GARIN1A: variants seen among roughly 807,000 people sequenced by gnomAD.
GARIN1A encodes golgi associated RAB2 interactor 1A.
At chr7:128,694,107 A>T in the GARIN1A span, among the ~76,000 whole-genome samples, 2 of 152,214 alleles carry the variant, frequency 1.3e-5, no homozygotes, top group Admixed American at 1.3e-4. Context: ...TTTTCAAGGA[A>T]ATTTTCTTAG....
the GARIN1A span, chr7:128,682,884 G>T: frequency 8.4e-7 from 1 of 1,196,594 alleles, no homozygotes; most frequent in Admixed American, 2.7e-5. Context: ...GCTGAAAGTG[G>T]TTTTTAAGTT....
At chr7:128,693,051 G>A in the GARIN1A span, among the ~76,000 whole-genome samples, 3 of 152,256 alleles carry the variant, frequency 2.0e-5, no homozygotes, top group African/African-American at 7.2e-5. Context: ...TAGTCTAAGA[G>A]AAGGCGGTTC....
At chr7:128,698,548 C>T in the GARIN1A span, among the ~76,000 whole-genome samples, 4 of 152,176 alleles carry the variant, frequency 2.6e-5, no homozygotes, top group African/African-American at 9.6e-5. Context: ...GCCTAGATAC[C>T]TGTTCTGTCC....
chr7:128,675,693 T>A, the GARIN1A span: 19 of 1,613,796 alleles, frequency 1.2e-5, no homozygotes, highest in Admixed American at 1.7e-4. Flanking sequence ...GCCCGGGAAC[T>A]GGAGAGATGT....
At chr7:128,700,768 T>C in the GARIN1A span, among the ~76,000 whole-genome samples, 8 of 152,254 alleles carry the variant, frequency 5.3e-5, no homozygotes, top group East Asian at 1.5e-3. Context: ...TTTCTCAGAA[T>C]TCATGACAGC....
the GARIN1A span, among the ~76,000 whole-genome samples, chr7:128,702,418 C>G: frequency 6.6e-6 from 1 of 152,116 alleles, no homozygotes; most frequent in Non-Finnish European, 1.5e-5. Flanking sequence ...AAGATCCTTA[C>G]ACTACACACA....
the GARIN1A span, among the ~76,000 whole-genome samples, chr7:128,689,012 G>A: frequency 2.6e-5 from 4 of 151,522 alleles, no homozygotes; most frequent in Non-Finnish European, 4.4e-5. Flanking sequence ...TGTGTTGGCC[G>A]GGCTGGTCTC....
At chr7:128,683,049 C>T in the GARIN1A span, 3 of 1,611,134 alleles carry the variant, frequency 1.9e-6, no homozygotes, top group South Asian at 3.3e-5. Context: ...TTTGAATATA[C>T]CCATGAGAGC....
chr7:128,682,993 A>G, the GARIN1A span: 1 of 1,608,298 alleles, frequency 6.2e-7, no homozygotes, highest in Non-Finnish European at 8.5e-7. Flanking sequence ...GAAATAGACA[A>G]CTGCAGCAGC....
chr7:128,676,729 C>T, the GARIN1A span, among the ~76,000 whole-genome samples: 1 of 151,560 alleles, frequency 6.6e-6, no homozygotes, highest in South Asian at 2.1e-4. Flanking sequence ...CTTGCCCTTT[C>T]GACACAGTAA....
the GARIN1A span, chr7:128,686,728 T>C: frequency 6.6e-6 from 1 of 152,118 alleles, no homozygotes; most frequent in Non-Finnish European, 1.5e-5. Context: ...ATGTGAAAAT[T>C]AGCCAGGTGT....
chr7:128,680,942 T>C, the GARIN1A span, among the ~76,000 whole-genome samples: 3 of 152,268 alleles, frequency 2.0e-5, no homozygotes, highest in Admixed American at 6.5e-5. Flanking sequence ...AATTTACTAA[T>C]AATTGTATTA....
chr7:128,683,200 G>C, the GARIN1A span: 2 of 1,452,692 alleles, frequency 1.4e-6, no homozygotes, highest in South Asian at 2.6e-5. Context: ...ACGTGTACTT[G>C]CTACCACCTC....
the GARIN1A span, among the ~76,000 whole-genome samples, chr7:128,676,719 C>G: frequency 6.6e-6 from 1 of 151,726 alleles, no homozygotes; most frequent in Admixed American, 6.6e-5. Context: ...TATCCTTTTC[C>G]TTGCCCTTTC....
At chr7:128,700,508 G>C in the GARIN1A span, among the ~76,000 whole-genome samples, 1 of 152,098 alleles carries the variant, frequency 6.6e-6, no homozygotes, top group Non-Finnish European at 1.5e-5. Context: ...TCAAACACCT[G>C]ACCTCAGGTG....
At chr7:128,699,264 C>G in the GARIN1A span, among the ~76,000 whole-genome samples, 114 of 135,966 alleles carry the variant, frequency 8.4e-4, 10 homozygotes, top group African/African-American at 2.9e-3. Context: ...CCTGCTGCCC[C>G]CCCCCCCCCA....
At chr7:128,677,674 A>C in the GARIN1A span, 1 of 1,613,680 alleles carries the variant, frequency 6.2e-7, no homozygotes, top group South Asian at 1.1e-5. Flanking sequence ...CACGAAAAAC[A>C]CCCAGAGATT....
At chr7:128,682,779 G>C in the GARIN1A span, among the ~76,000 whole-genome samples, 1 of 152,144 alleles carries the variant, frequency 6.6e-6, no homozygotes, top group East Asian at 1.9e-4. Flanking sequence ...GTTTCACCAT[G>C]TTGGCCAGGC....
the GARIN1A span, chr7:128,686,884 A>AT: frequency 2.9e-5 from 4 of 138,968 alleles, no homozygotes; most frequent in African/African-American, 7.6e-5. Context: ...TCAAAAAAAA[A>AT]AAAAATATAT....
Sources: gnomAD v4.1 joint callset for allele counts (sites outside exome capture counted in the v4.1 genomes callset) on GRCh38, gnomAD v4.1.1 for gene constraint, MANE v1.5 for transcripts, NCBI Gene and HGNC (gene_info 2026-07-23, HGNC 2026-07-21) for gene names.